The following HDAC9 variants were observed in gnomAD, a reference collection of about 807,000 sequenced individuals.
HDAC9 encodes the protein histone deacetylase 9.
A neutral mutation model predicts 139.4 loss-of-function variants in HDAC9; 41 were observed. The observed-to-expected ratio is 0.29, with a 90% confidence interval of 0.23 to 0.38. HDAC9 has a LOEUF of 0.38. Ranked by LOEUF, HDAC9 falls within the 10% of genes least tolerant of loss-of-function variation. The pLI is 1.00. For synonymous variants in HDAC9, 517 were observed against 476.2 expected, an observed-to-expected ratio of 1.09 and a Z score of -1.12; for missense variants, 1,147 against 1,297.0, an observed-to-expected ratio of 0.88 and a Z score of 1.78.
chr7:18,823,426 T>C (rs1302922446), intron 17 of HDAC9, among the ~76,000 whole-genome samples: 1 of 152,172 alleles, frequency 6.6e-6, no homozygotes, highest in Non-Finnish European at 1.5e-5. Context: ...TTTAGACAAG[T>C]CATGTGGCTT....
Position 18,585,381 on chromosome 7 carries a change from C to T in HDAC9, c.123C>T (p.Val41=), listed in dbSNP as rs1233922745. ...RMMMPVVDPV[V]REKQLQQELL... ...TGATGCCCGTGGTGGACCCTGTTGT[C>T]CGTGAGAAGCAATTGCAGCAGGAAT... Residue 41 remains valine, a synonymous_variant, in exon 3 of 26, where the codon GTC becomes GTT. Transcript: ENST00000686413. 6.2e-7 allele frequency: 1 copy of T among 1,613,884 alleles called. No individual in the cohort carries two copies.
chr7:18,621,170 A>G (rs1029157770), intron 6 of HDAC9, among the ~76,000 whole-genome samples: 3 of 151,986 alleles, frequency 2.0e-5, no homozygotes, highest in Admixed American at 1.3e-4. Context: ...AATAAATGCA[A>G]TAATTTTAAG....
At chr7:18,886,262 T>C (rs1331487887) in intron 22 of HDAC9, among the ~76,000 whole-genome samples, 2 of 152,222 alleles carry the variant, frequency 1.3e-5, no homozygotes, top group Non-Finnish European at 2.9e-5. Flanking sequence ...CTGCACTGTT[T>C]AGTTACTGAT....
Position 18,311,706 on chromosome 7 carries a change from G to T in HDAC9, c.-42+21191G>T, listed in dbSNP as rs1463418677. Among the ~76,000 whole-genome samples, 3 of 152,034 alleles carry T rather than the reference G, an allele frequency of 2.0e-5. No individual in the cohort carries two copies. The East Asian group carries it at 5.8e-4, about 29-fold the overall frequency. On this transcript the variant is annotated intron_variant, in intron 1 of 3. Transcript: ENST00000413509. ...TTCATATTCTACTACTGTCAAGGAG[G>T]GATGAACCAAATGGGGAATGTTTTT...
At chr7:18,733,171 GTATATA>G (rs995329024) in intron 13 of HDAC9, among the ~76,000 whole-genome samples, 4 of 145,870 alleles carry the variant, frequency 2.7e-5, no homozygotes, top group Admixed American at 1.4e-4. Flanking sequence ...GTATACACAT[GTATATA>G]TGTGTCTATA....
At chr7:18,473,341 C>T (rs1467999532) in intron 1 of HDAC9, among the ~76,000 whole-genome samples, 5 of 152,194 alleles carry the variant, frequency 3.3e-5, no homozygotes, top group African/African-American at 1.2e-4. Context: ...AACATTAACT[C>T]AGAGGACTTG....
intron 13 of HDAC9, among the ~76,000 whole-genome samples, chr7:18,745,512 A>G (rs1441384945): frequency 6.6e-6 from 1 of 150,840 alleles, no homozygotes; most frequent in Admixed American, 6.6e-5. Context: ...TAAGCAATGT[A>G]ATGATTAGAC....
At chr7:18,995,970 A>C in intron 25 of HDAC9, 53 bp from the exon 26 acceptor site, 5 of 1,382,322 alleles carry the variant, frequency 3.6e-6, no homozygotes, top group Non-Finnish European at 5.0e-6. Flanking sequence ...GAAAATCTAC[A>C]ATGTCATTGT....
At chr7:18,891,886 G>T (rs944014880) in intron 22 of HDAC9, among the ~76,000 whole-genome samples, 1 of 152,018 alleles carries the variant, frequency 6.6e-6, no homozygotes, top group Admixed American at 6.6e-5. Context: ...TTCCCTCTGG[G>T]GGTGATCTAT....
At position 18,613,064 on chromosome 7, in the gene HDAC9, G is replaced by A. The variant is rs1837600031; in HGVS notation, c.665-16286G>A. Among the ~76,000 whole-genome samples the A allele has an allele frequency of 2.7e-5, 4 of 147,748 alleles. 1 individual carries two copies. In the South Asian group the frequency reaches 8.4e-4, roughly 31 times the overall value. On this transcript the variant is annotated intron_variant, in intron 6 of 25. Coordinates refer to ENST00000686413, the MANE Select transcript of HDAC9 (RefSeq NM_178425.4). ...TATATCTAATTATGTATTTATAATA[G>A]ACTGAATAATAGATATATTTATATT...
At chr7:18,124,899 CTTTTTT>C (rs11433623) in intron 1 of HDAC9, among the ~76,000 whole-genome samples, 1 of 144,140 alleles carries the variant, frequency 6.9e-6, no homozygotes, top group East Asian at 2.0e-4. Flanking sequence ...CTTTCTTTTT[CTTTTTT>C]TTTTTTTAAC....
intron 17 of HDAC9, among the ~76,000 whole-genome samples, chr7:18,815,938 G>A (rs573073014): frequency 9.8e-5 from 15 of 152,316 alleles, no homozygotes; most frequent in African/African-American, 3.4e-4. Flanking sequence ...CAGATTAATA[G>A]CATTGATTCT....
chr7:18,510,873 A>G (rs552551601), intron 2 of HDAC9, among the ~76,000 whole-genome samples: 1 of 152,284 alleles, frequency 6.6e-6, no homozygotes, highest in East Asian at 1.9e-4. Context: ...AGGGAATAAG[A>G]TATAAATCTT....
chr7:18,266,160 A>G (rs1482762080), intron 2 of HDAC9, among the ~76,000 whole-genome samples: 2 of 152,190 alleles, frequency 1.3e-5, no homozygotes, highest in Non-Finnish European at 2.9e-5. Flanking sequence ...TTCATTGTAC[A>G]TTATCTAACA....
At chr7:18,713,139 G>A (rs1004057562) in intron 12 of HDAC9, among the ~76,000 whole-genome samples, 7 of 152,084 alleles carry the variant, frequency 4.6e-5, no homozygotes, top group African/African-American at 1.4e-4. Flanking sequence ...TATTTTGTGG[G>A]CAGTGACCAC....
intron 1 of HDAC9, among the ~76,000 whole-genome samples, chr7:18,149,768 A>G (rs915114013): frequency 2.6e-5 from 4 of 151,868 alleles, no homozygotes; most frequent in African/African-American, 9.7e-5. Context: ...GTTAGCCAGG[A>G]TGGTCTCGAT....
chr7:18,095,734 A>G (rs1192582950), intron 1 of HDAC9, among the ~76,000 whole-genome samples: 2 of 152,202 alleles, frequency 1.3e-5, no homozygotes, highest in East Asian at 1.9e-4. Flanking sequence ...ACCAAACCCA[A>G]CAAACAAATG....
chr7:18,702,109 G>A (rs988970315), intron 12 of HDAC9, among the ~76,000 whole-genome samples: 28 of 148,400 alleles, frequency 1.9e-4, no homozygotes, highest in Admixed American at 1.6e-3. Flanking sequence ...GGCTGGGAGC[G>A]TGGCTGTAGG....
intron 21 of HDAC9, among the ~76,000 whole-genome samples, chr7:18,863,354 C>A (rs1006237454): frequency 6.6e-6 from 1 of 152,190 alleles, no homozygotes; most frequent in African/African-American, 2.4e-5. Context: ...CACATGGGGC[C>A]CAGGACGGCT....
Sources: allele counts gnomAD v4.1 joint callset (sites outside exome capture counted in the v4.1 genomes callset), GRCh38; gene constraint gnomAD v4.1.1; transcripts MANE v1.5; gene names NCBI Gene and HGNC (gene_info 2026-07-23, HGNC 2026-07-21).